PTPRO: variants seen among roughly 807,000 people sequenced by gnomAD.
PTPRO encodes protein tyrosine phosphatase receptor type O.
Under a neutral mutation model 145.2 loss-of-function variants are expected in PTPRO, and 62 were observed. The observed-to-expected ratio is 0.43, with a 90% CI of 0.35 to 0.53. The LOEUF is 0.53. PTPRO is among the 20% of genes least tolerant of loss of function. PTPRO has a pLI of 0.01. For synonymous variants in PTPRO, 565 were observed against 514.7 expected (o/e 1.10, Z -1.32); for missense variants, 1,345 against 1,482.7 (o/e 0.91, Z 1.53).
chr12:15,595,717 T>G (rs1266379772), intron 26 of PTPRO: 2 of 154,180 alleles, frequency 1.3e-5, no homozygotes, highest in Non-Finnish European at 2.9e-5. Flanking sequence ...CTGACTATAC[T>G]GGGGGAAGAG....
intron 12 of PTPRO, among the ~76,000 whole-genome samples, chr12:15,533,536 C>T (rs964372829): frequency 6.6e-6 from 1 of 152,096 alleles, no homozygotes; most frequent in African/African-American, 2.4e-5. Flanking sequence ...ATTGAAATTG[C>T]GGACCTCAAA....
chr12:15,430,835 T>C (rs1940416013), intron 1 of PTPRO, among the ~76,000 whole-genome samples: 1 of 152,156 alleles, frequency 6.6e-6, no homozygotes, highest in Non-Finnish European at 1.5e-5. Context: ...GGTATAAATA[T>C]ATACAATTTT....
intron 20 of PTPRO, among the ~76,000 whole-genome samples, chr12:15,579,835 G>GA (rs377098895): frequency 1.4e-4 from 21 of 149,548 alleles, no homozygotes; most frequent in African/African-American, 3.2e-4. Flanking sequence ...AGCTGGTAGT[G>GA]AAAAAAAAAT....
chr12:15,458,265 T>G (rs1314208899), intron 1 of PTPRO, among the ~76,000 whole-genome samples: 1 of 152,174 alleles, frequency 6.6e-6, no homozygotes, highest in African/African-American at 2.4e-5. Flanking sequence ...AGTCATTTTT[T>G]TCTTGTTGCT....
intron 7 of PTPRO, among the ~76,000 whole-genome samples, chr12:15,513,155 GAAAAAGAAAGAAAGAAAGAA>G (rs1942490451): frequency 4.1e-5 from 1 of 24,408 alleles, no homozygotes; most frequent in African/African-American, 1.1e-4. Flanking sequence ...AAGAAAGAAA[GAAAAAGAAAGAAAGAAAGAA>G]AGAAAGAAAG....
chr12:15,576,672 G>A (rs976845215), intron 19 of PTPRO, among the ~76,000 whole-genome samples: 2 of 152,168 alleles, frequency 1.3e-5, no homozygotes, highest in African/African-American at 4.8e-5. Context: ...ATTTTACAAT[G>A]ATCATCAATA....
intron 1 of PTPRO, among the ~76,000 whole-genome samples, chr12:15,343,770 C>T (rs1011554484): frequency 1.3e-5 from 2 of 152,078 alleles, no homozygotes; most frequent in Admixed American, 6.5e-5. Flanking sequence ...GCGCCATCTC[C>T]GCTTACTGGA....
intron 1 of PTPRO, among the ~76,000 whole-genome samples, chr12:15,397,873 G>C (rs561747498): frequency 6.6e-6 from 1 of 152,112 alleles, no homozygotes; most frequent in Non-Finnish European, 1.5e-5. Flanking sequence ...TCTTTTTAAG[G>C]TAGGCCTTAT....
chr12:15,361,546 T>C (rs1938212012), intron 1 of PTPRO, among the ~76,000 whole-genome samples: 1 of 150,572 alleles, frequency 6.6e-6, no homozygotes, highest in Admixed American at 6.6e-5. Flanking sequence ...TGACCAAGGG[T>C]CATTAACAGT....
intron 1 of PTPRO, among the ~76,000 whole-genome samples, chr12:15,463,775 C>A (rs1307247827): frequency 6.6e-6 from 1 of 152,050 alleles, no homozygotes; most frequent in Non-Finnish European, 1.5e-5. Flanking sequence ...TCCAGGTATT[C>A]TTTCATTTCT....
Position 15,569,398 on chromosome 12 carries a change from T to A in PTPRO, c.2748-19T>A. ...CAAGAATTTTAAAATGTATGTATAT[T>A]TCTTTGTGTTTGGCAAAGCCCGGTT... On this transcript the variant is annotated intron_variant, in intron 18 of 26. Transcript: ENST00000281171. 1 of 1,586,164 alleles carries A rather than the reference T, an allele frequency of 6.3e-7. No homozygotes were observed. Among genetic ancestry groups the A allele is most frequent in the Non-Finnish European group, 8.7e-7 (1 of 1,154,814 alleles).
chr12:15,572,625 T>G (rs1944080008), intron 19 of PTPRO, among the ~76,000 whole-genome samples: 1 of 147,750 alleles, frequency 6.8e-6, no homozygotes, highest in Non-Finnish European at 1.5e-5. Context: ...GGGCTGAAAA[T>G]GAAATACCAT....
At chr12:15,408,704 A>G (rs1345852996) in intron 1 of PTPRO, among the ~76,000 whole-genome samples, 1 of 152,200 alleles carries the variant, frequency 6.6e-6, no homozygotes, top group East Asian at 1.9e-4. Context: ...CTGGGATTAC[A>G]GGCGTGAGCC....
intron 1 of PTPRO, among the ~76,000 whole-genome samples, chr12:15,399,723 AG>A (rs1190797331): frequency 6.6e-6 from 1 of 152,088 alleles, no homozygotes; most frequent in African/African-American, 2.4e-5. Context: ...AGAGGTAAGA[AG>A]TGTTTCAGAA....
intron 4 of PTPRO, among the ~76,000 whole-genome samples, chr12:15,500,786 G>C (rs1346851577): frequency 6.6e-6 from 1 of 152,180 alleles, no homozygotes; most frequent in Non-Finnish European, 1.5e-5. Flanking sequence ...GCTGGGCATG[G>C]TGGCTGGTGC....
intron 10 of PTPRO, among the ~76,000 whole-genome samples, chr12:15,521,143 G>A (rs1299698101): frequency 2.0e-5 from 3 of 151,864 alleles, no homozygotes; most frequent in Admixed American, 2.0e-4. Context: ...TGAGAAAACA[G>A]AGGAGAAAAA....
At chr12:15,437,989 A>G (rs1940647694) in intron 1 of PTPRO, among the ~76,000 whole-genome samples, 1 of 152,196 alleles carries the variant, frequency 6.6e-6, no homozygotes, top group African/African-American at 2.4e-5. Flanking sequence ...TCCACTTCTA[A>G]ATACAGATAC....
chr12:15,483,973 G>T lies in PTPRO; in HGVS notation c.76-1G>T. 1 of 1,613,090 alleles carries T rather than the reference G, an allele frequency of 6.2e-7. No homozygotes were observed. Among genetic ancestry groups the T allele is most frequent in the South Asian group, 1.1e-5 (1 of 91,052 alleles). ...TCTTTTTATTCTGTTTCATTCAACA[G>T]AATGCTACAGCTTTCCATGTAACTG... On this transcript the variant is annotated splice_acceptor_variant, in intron 1 of 26. Transcript: ENST00000281171. LOFTEE classifies it high-confidence loss of function.
chr12:15,433,239 G>T (rs1043315789), intron 1 of PTPRO, among the ~76,000 whole-genome samples: 3 of 143,652 alleles, frequency 2.1e-5, no homozygotes, highest in African/African-American at 7.8e-5. Flanking sequence ...CAGTGGTGCC[G>T]ATCTCAGCTC....
Sources: gnomAD v4.1 joint callset for allele counts (sites outside exome capture counted in the v4.1 genomes callset) on GRCh38, gnomAD v4.1.1 for gene constraint, MANE v1.5 for transcripts, NCBI Gene and HGNC (gene_info 2026-07-23, HGNC 2026-07-21) for gene names.